USP49: variants seen among roughly 807,000 people sequenced by gnomAD.
The protein encoded by USP49 is ubiquitin specific peptidase 49, also known as ubiquitin carboxyl-terminal hydrolase 49.
USP49 carries 24 observed loss-of-function variants against 58.6 expected under a neutral mutation model. The ratio of observed to expected loss-of-function variants is 0.41; its 90% confidence interval spans 0.30 to 0.58. USP49 has a LOEUF of 0.58. USP49 is among the 20% of genes least tolerant of loss of function. The pLI is 0.30. For synonymous variants in USP49, 408 were observed against 365.1 expected, an observed-to-expected ratio of 1.12 and a Z score of -1.34; for missense variants, 703 against 866.1, an observed-to-expected ratio of 0.81 and a Z score of 2.36.
At chr6:41,814,725 A>T (rs925275489) in intron 3 of USP49, among the ~76,000 whole-genome samples, 2 of 152,204 alleles carry the variant, frequency 1.3e-5, no homozygotes, top group African/African-American at 4.8e-5. Flanking sequence ...TCAGTTGTTA[A>T]CTAAGGACCG....
chr6:41,820,815 T>C (rs1773439706), intron 3 of USP49, among the ~76,000 whole-genome samples: 1 of 151,926 alleles, frequency 6.6e-6, no homozygotes, highest in Non-Finnish European at 1.5e-5. Context: ...GCCTGGACAA[T>C]ATGGTGAGAC....
At chr6:41,868,195 GACAGTA>G (rs1354940341) in intron 3 of USP49, among the ~76,000 whole-genome samples, 22 of 152,192 alleles carry the variant, frequency 1.4e-4, no homozygotes, top group Admixed American at 1.4e-3. Context: ...TTAAGGTGAA[GACAGTA>G]ACAGTATCTA....
chr6:41,796,503 A>G lies in USP49; in HGVS notation c.*30T>C, dbSNP rs1397316126. The G allele has an allele frequency of 1.4e-6, 1 of 714,722 alleles. No homozygotes were observed. Among genetic ancestry groups the G allele is most frequent in the Non-Finnish European group, 2.6e-6 (1 of 383,950 alleles). 44.3% of individuals were successfully genotyped at this position (714,722 alleles called of 1,614,324 possible). ...GAAAGATGTATGGACACCAATACAC[A>G]AAAGCCAGTCTTTGATACATGCCTC... On this transcript the variant is annotated 3_prime_UTR_variant, in exon 8 of 8. Coordinates refer to ENST00000682992, the MANE Select transcript of USP49 (RefSeq NM_001286554.2).
At chr6:41,852,774 G>A (rs1462760334) in intron 3 of USP49, among the ~76,000 whole-genome samples, 1 of 152,174 alleles carries the variant, frequency 6.6e-6, no homozygotes, top group Non-Finnish European at 1.5e-5. Flanking sequence ...TAACACCAAT[G>A]TTCATAGCAG....
chr6:41,806,680 C>G lies in USP49; in HGVS notation c.304G>C (p.Val102Leu). ...GGCGTGTCCTGTTTCTGGCCCCGGACCGCCAGGAGGGAGCTTCTTAGCAGC... is the reference window on the plus strand; with the variant it reads ...GGCGTGTCCTGTTTCTGGCCCCGGAGCGCCAGGAGGGAGCTTCTTAGCAGC... ...LKLLRSSLLA[V>L]RGQKQDTPVR... The change falls in exon 4 of 8, where the codon GTC (valine) becomes CTC (leucine). Residue 102 changes from valine to leucine, a missense_variant. Physicochemically the swap from Val to Leu is conservative, Grantham distance 32. Transcript: ENST00000682992. This position sits in a 1 kb window ranked among gnomAD's most constrained non-coding sequence, Gnocchi z 5.9. 6.2e-7 allele frequency: 1 copy of G among 1,614,164 alleles called. No homozygotes were observed. The highest frequency in any genetic ancestry group is 8.5e-7 in the Non-Finnish European group (1 of 1,180,046).
At chr6:41,879,187 C>T (rs568723361) in intron 2 of USP49, among the ~76,000 whole-genome samples, 6 of 152,268 alleles carry the variant, frequency 3.9e-5, no homozygotes, top group African/African-American at 1.4e-4. Flanking sequence ...TTGAGGCCAG[C>T]AGTTTGAGAC....
At chr6:41,815,868 C>T (rs1479594615) in intron 3 of USP49, among the ~76,000 whole-genome samples, 3 of 152,308 alleles carry the variant, frequency 2.0e-5, no homozygotes, top group Non-Finnish European at 4.4e-5. Context: ...TCATAGGTTA[C>T]AGCAGATGTA....
chr6:41,838,264 G>T (rs972590343), intron 3 of USP49, among the ~76,000 whole-genome samples: 1 of 152,188 alleles, frequency 6.6e-6, no homozygotes, highest in Admixed American at 6.5e-5. Context: ...CTAACCAGAG[G>T]TCCTGCGTCT....
chr6:41,802,441 TTTATTTA>T (rs1773025308), intron 5 of USP49, among the ~76,000 whole-genome samples: 3 of 73,232 alleles, frequency 4.1e-5, no homozygotes, highest in Admixed American at 3.8e-4. Flanking sequence ...TATTTATTTA[TTTATTTA>T]TTTATTTATT....
chr6:41,880,775 T>C (rs1774590036), intron 2 of USP49, among the ~76,000 whole-genome samples: 1 of 152,040 alleles, frequency 6.6e-6, no homozygotes, highest in African/African-American at 2.4e-5. Context: ...AATTAAAATA[T>C]AAACAATAAA....
At chr6:41,811,833 T>C (rs985033138) in intron 3 of USP49, among the ~76,000 whole-genome samples, 4 of 152,222 alleles carry the variant, frequency 2.6e-5, no homozygotes, top group Non-Finnish European at 5.9e-5. Context: ...TGGGTACACA[T>C]TGATGCTTAC....
intron 2 of USP49, among the ~76,000 whole-genome samples, chr6:41,883,306 A>T (rs1774645908): frequency 7.2e-6 from 1 of 138,998 alleles, no homozygotes. Context: ...GTGAGCCAAG[A>T]TTGTGCCACT....
intron 3 of USP49, chr6:41,869,770 C>G (rs1477110774): frequency 6.6e-6 from 1 of 151,202 alleles, no homozygotes; most frequent in East Asian, 1.9e-4. Flanking sequence ...AATAGATTGA[C>G]AGAAACACAA....
intron 6 of USP49, among the ~76,000 whole-genome samples, chr6:41,799,430 A>C (rs1772954267): frequency 6.6e-6 from 1 of 152,220 alleles, no homozygotes; most frequent in African/African-American, 2.4e-5. Context: ...TTAATGTTCC[A>C]TGAAGTACTC....
rs528222442 is a variant in USP49, at chr6:41,875,085, T to C, written c.-102-3448A>G. Among the ~76,000 whole-genome samples, 12 of 152,244 alleles carry C rather than the reference T, an allele frequency of 7.9e-5. No homozygotes were observed. In the East Asian group the frequency reaches 2.3e-3, roughly 29 times the overall value. ...CCCATTCTTTGATAGCTCCCTAATA[T>C]TAATGTAGTAAGGTAGGGAATGTTC... is the stretch of plus-strand genomic sequence containing the variant. On this transcript the variant is annotated intron_variant, in intron 2 of 7. Coordinates refer to ENST00000682992, the MANE Select transcript of USP49 (RefSeq NM_001286554.2).
At chr6:41,814,018 C>T (rs1773305447) in intron 3 of USP49, among the ~76,000 whole-genome samples, 2 of 152,178 alleles carry the variant, frequency 1.3e-5, no homozygotes, top group Non-Finnish European at 2.9e-5. Flanking sequence ...GGTTTCCCTT[C>T]GTATTCTCAA....
At chr6:41,894,871 C>A (rs2127368769) in intron 1 of USP49, among the ~76,000 whole-genome samples, 1 of 152,146 alleles carries the variant, frequency 6.6e-6, no homozygotes, top group Non-Finnish European at 1.5e-5. Context: ...CCCTTTCTCC[C>A]CTTAATCCTC....
At chr6:41,814,690 G>A (rs181868494) in intron 3 of USP49, among the ~76,000 whole-genome samples, 12 of 152,172 alleles carry the variant, frequency 7.9e-5, no homozygotes, top group East Asian at 5.8e-4. Flanking sequence ...ATTTCTTCTC[G>A]CTCTCTCATC....
intron 3 of USP49, among the ~76,000 whole-genome samples, chr6:41,813,958 C>G (rs760057340): frequency 6.6e-6 from 1 of 152,158 alleles, no homozygotes; most frequent in Non-Finnish European, 1.5e-5. Context: ...GGGCCTAGCA[C>G]CCATTTGGCA....
Sources: gnomAD v4.1 joint callset for allele counts (sites outside exome capture counted in the v4.1 genomes callset) on GRCh38, gnomAD v4.1.1 for gene constraint, Gnocchi (gnomAD v3.1) non-coding constraint, MANE v1.5 for transcripts, NCBI Gene and HGNC (gene_info 2026-07-23, HGNC 2026-07-21) for gene names.